SP100: variants seen among roughly 807,000 people sequenced by gnomAD.
SP100 encodes the protein nuclear autoantigen Sp-100.
In SP100, 84 loss-of-function variants were observed where a neutral mutation model predicts 130.0. The ratio of observed to expected loss-of-function variants is 0.65; its 90% CI spans 0.54 to 0.77. The LOEUF (loss-of-function observed/expected upper bound fraction) is 0.77. Among genes scored for constraint, SP100 ranks in the 30% least tolerant of loss-of-function variants. The probability of loss-of-function intolerance (pLI) is 0.00; values close to 1 mark genes in which losing one functional copy is unlikely to be tolerated. For synonymous variants in SP100, 331 were observed against 351.7 expected (o/e 0.94, Z 0.66); for missense variants, 978 against 1,052.2 (o/e 0.93, Z 0.97).
intron 17 of SP100, among the ~76,000 whole-genome samples, chr2:230,482,151 G>C (rs2065863391): frequency 6.6e-6 from 1 of 152,078 alleles, no homozygotes; most frequent in Non-Finnish European, 1.5e-5. Context: ...TGTGTAATTG[G>C]TCTGTTTTAT....
intron 2 of SP100, among the ~76,000 whole-genome samples, chr2:230,436,979 C>CACACAAGTGTAT (rs1300135931): frequency 4.1e-5 from 6 of 147,890 alleles, no homozygotes; most frequent in African/African-American, 2.5e-5. Context: ...TATGTGTATA[C>CACACAAGTGTAT]ACACACATAT....
At chr2:230,541,115 C>A in intron 26 of SP100, 119 bp downstream of exon 26, 3 of 1,348,084 alleles carry the variant, frequency 2.2e-6, no homozygotes, top group Non-Finnish European at 3.1e-6. Flanking sequence ...CTATGGTGTG[C>A]TTTGCTCCAT....
chr2:230,534,263 G>A (rs979649545), intron 24 of SP100, among the ~76,000 whole-genome samples: 7 of 152,104 alleles, frequency 4.6e-5, no homozygotes, highest in Admixed American at 1.3e-4. Context: ...AAAATTAGCC[G>A]GGCGTGGTGG....
intron 8 of SP100, among the ~76,000 whole-genome samples, chr2:230,456,327 G>A (rs1363693274): frequency 1.3e-5 from 2 of 152,056 alleles, no homozygotes; most frequent in African/African-American, 2.4e-5. Flanking sequence ...TTCTTTTGTT[G>A]CTTTCAGGAT....
intron 17 of SP100, among the ~76,000 whole-genome samples, chr2:230,482,607 G>A (rs185637987): frequency 6.6e-6 from 1 of 151,590 alleles, no homozygotes; most frequent in East Asian, 1.9e-4. Flanking sequence ...TAATGTAAGG[G>A]TCTAATTTTT....
At chr2:230,440,873 T>C (rs1445438615) in intron 2 of SP100, among the ~76,000 whole-genome samples, 3 of 152,148 alleles carry the variant, frequency 2.0e-5, no homozygotes, top group Non-Finnish European at 4.4e-5. Context: ...CATGCTAATA[T>C]TGTAAATTGT....
At chr2:230,465,186 A>C (rs1442334104) in intron 11 of SP100, among the ~76,000 whole-genome samples, 1 of 152,000 alleles carries the variant, frequency 6.6e-6, no homozygotes, top group Non-Finnish European at 1.5e-5. Flanking sequence ...CAGTGAGCCA[A>C]GATCATACCA....
At chr2:230,462,549 C>T (rs1431539103) in intron 10 of SP100, 31 bp downstream of exon 10, 1 of 1,498,634 alleles carries the variant, frequency 6.7e-7, no homozygotes, top group South Asian at 1.1e-5. Flanking sequence ...AAGGCTTGGG[C>T]TGTGGGAATC....
intron 24 of SP100, among the ~76,000 whole-genome samples, chr2:230,525,560 T>A (rs574886685): frequency 6.6e-6 from 1 of 152,046 alleles, no homozygotes; most frequent in South Asian, 2.1e-4. Context: ...TTGGGACTGG[T>A]TGGACTCTGG....
chr2:230,505,567 T>G (rs1254874703), intron 21 of SP100, among the ~76,000 whole-genome samples: 1 of 152,138 alleles, frequency 6.6e-6, no homozygotes, highest in African/African-American at 2.4e-5. Context: ...TGTATTATTA[T>G]GAGAAAAAAA....
At chr2:230,449,744 A>G (rs1261201598) in intron 7 of SP100, 34 bp downstream of exon 7, 1 of 1,612,432 alleles carries the variant, frequency 6.2e-7, no homozygotes, top group South Asian at 1.1e-5. Flanking sequence ...AATGGGGAGG[A>G]GCCAAGGGGC....
intron 17 of SP100, among the ~76,000 whole-genome samples, chr2:230,483,617 C>T (rs1400801009): frequency 6.6e-6 from 1 of 151,822 alleles, no homozygotes; most frequent in African/African-American, 2.4e-5. Context: ...AAGGATGGGG[C>T]AGGAGTAAGG....
chr2:230,421,382 A>G (rs2062763417), intron 2 of SP100, among the ~76,000 whole-genome samples: 2 of 152,032 alleles, frequency 1.3e-5, no homozygotes, highest in East Asian at 3.9e-4. Flanking sequence ...GAAGCTTGAC[A>G]TCTCTCCTGT....
chr2:230,536,278 C>T (rs1432160119), intron 24 of SP100, among the ~76,000 whole-genome samples: 1 of 152,152 alleles, frequency 6.6e-6, no homozygotes, highest in African/African-American at 2.4e-5. Flanking sequence ...CGACACTCCT[C>T]ATCAGCATGA....
intron 24 of SP100, among the ~76,000 whole-genome samples, chr2:230,511,700 C>A (rs1257163115): frequency 1.3e-5 from 2 of 152,082 alleles, no homozygotes; most frequent in African/African-American, 4.8e-5. Context: ...GCCCCTATTG[C>A]CACTCTTGAG....
chr2:230,511,131 C>T lies in SP100; in HGVS notation c.2059C>T (p.Leu687=), dbSNP rs781491944. 3.5e-5 allele frequency: 56 copies of T among 1,606,630 alleles called. 1 individual carries two copies. In the Middle Eastern group the frequency reaches 2.3e-3, roughly 66 times the overall value. The part of the protein sequence containing the change: ...EPPSTRKKRI[L]ESHNNTLVDP... ...TTTCTGTTTTTTTCAACAGAGAATACTGGAATCTCACAACAATACCTTAGT... is the reference window on the plus strand; with the variant it reads ...TTTCTGTTTTTTTCAACAGAGAATATTGGAATCTCACAACAATACCTTAGT... The change falls in exon 24 of 29, where the codon CTG becomes TTG. Residue 687 remains leucine, a synonymous_variant. Transcript: ENST00000340126.
At chr2:230,540,264 G>T (rs1322487540) in intron 25 of SP100, among the ~76,000 whole-genome samples, 2 of 152,192 alleles carry the variant, frequency 1.3e-5, no homozygotes, top group Non-Finnish European at 2.9e-5. Context: ...GGGTCATTGT[G>T]CTTGCCTGAT....
At chr2:230,464,030 C>A (rs752814903) in intron 10 of SP100, 37 bp from the exon 11 acceptor site, 1 of 1,355,444 alleles carries the variant, frequency 7.4e-7, no homozygotes, top group South Asian at 1.2e-5. Flanking sequence ...CTTGGTCACA[C>A]ACTGAGACCT....
chr2:230,449,050 T>C, intron 5 of SP100, 38 bp from the exon 6 acceptor site: 1 of 1,312,216 alleles, frequency 7.6e-7, no homozygotes, highest in Non-Finnish European at 1.1e-6. Flanking sequence ...AATCCATACC[T>C]CGATTTCTGA....
Sources: gnomAD v4.1 joint callset for allele counts (sites outside exome capture counted in the v4.1 genomes callset) on GRCh38, gnomAD v4.1.1 for gene constraint, MANE v1.5 for transcripts, NCBI Gene and HGNC (gene_info 2026-07-23, HGNC 2026-07-21) for gene names.